Variants in HAT1 observed in about 807,000 individuals in gnomAD.
The protein encoded by HAT1 is histone acetyltransferase 1.
Under a neutral mutation model 56.6 loss-of-function variants are expected in HAT1, and 20 were observed. The ratio of observed to expected loss-of-function variants is 0.35; its 90% CI spans 0.25 to 0.51. HAT1 has a LOEUF of 0.51. HAT1 is among the 20% of genes least tolerant of loss of function. The pLI is 0.95. For synonymous variants in HAT1, 146 were observed against 165.5 expected, an observed-to-expected ratio of 0.88 and a Z score of 0.91; for missense variants, 408 against 504.3, an observed-to-expected ratio of 0.81 and a Z score of 1.83.
intron 2 of HAT1, among the ~76,000 whole-genome samples, chr2:171,941,800 G>A (rs1267467940): frequency 1.3e-5 from 2 of 152,196 alleles, no homozygotes; most frequent in Non-Finnish European, 1.5e-5. Context: ...GCCACAAACC[G>A]ATACATGGTG....
At chr2:171,982,306 A>G (rs1443785791) in intron 10 of HAT1, among the ~76,000 whole-genome samples, 3 of 152,292 alleles carry the variant, frequency 2.0e-5, no homozygotes, top group East Asian at 3.9e-4. Context: ...CTAGAACAGT[A>G]TATCCGAAAC....
intron 8 of HAT1, among the ~76,000 whole-genome samples, chr2:171,970,156 T>C (rs1261032681): frequency 6.6e-6 from 1 of 151,790 alleles, no homozygotes; most frequent in African/African-American, 2.4e-5. Context: ...CGAGACCCTG[T>C]CTTAAAAAAT....
rs568082052 is a variant in HAT1 at position 171,922,630 on chromosome 2, G to A, written c.7+123G>A. The A allele has an allele frequency of 2.5e-4, 204 of 802,640 alleles. 1 individual carries two copies. Among genetic ancestry groups the A allele is most frequent in the Admixed American group, 9.4e-4 (23 of 24,588 alleles). 49.7% of individuals were successfully genotyped at this position (802,640 alleles called of 1,614,324 possible). ...CTGTAGCCTGGGTTCCAGAAGGCCT[G>A]CTTGGGACCGGAAGCGCGGAACTCT... On this transcript the variant is annotated intron_variant, in intron 1 of 10. Coordinates refer to ENST00000264108, the MANE Select transcript of HAT1 (RefSeq NM_003642.4).
At chr2:171,924,106 C>T (rs150269650) in intron 1 of HAT1, 2 of 152,256 alleles carry the variant, frequency 1.3e-5, no homozygotes, top group Non-Finnish European at 2.9e-5. Flanking sequence ...AAGTCTTTCC[C>T]ATTTTCTGTG....
intron 2 of HAT1, among the ~76,000 whole-genome samples, chr2:171,934,417 A>G (rs967720216): frequency 8.5e-5 from 13 of 152,214 alleles, no homozygotes; most frequent in Non-Finnish European, 1.6e-4. Context: ...TACCATAACA[A>G]GATGAAGGAG....
intron 3 of HAT1, 24 bp downstream of exon 3, chr2:171,946,807 G>T: frequency 1.8e-6 from 2 of 1,096,072 alleles, no homozygotes; most frequent in Non-Finnish European, 2.7e-6. Flanking sequence ...TAAAATATTT[G>T]TCAAATTAGT....
intron 1 of HAT1, chr2:171,924,905 G>T (rs1686544057): frequency 6.6e-6 from 1 of 152,056 alleles, no homozygotes; most frequent in African/African-American, 2.4e-5. Flanking sequence ...TGAAAAAGAC[G>T]ACTTAGGTAT....
At chr2:171,958,951 C>A (rs1355369555) in intron 4 of HAT1, among the ~76,000 whole-genome samples, 2 of 152,110 alleles carry the variant, frequency 1.3e-5, no homozygotes, top group Admixed American at 6.6e-5. Flanking sequence ...CATTATTCAA[C>A]TTTAGTATTA....
chr2:171,977,524 A>AAT (rs1174016253), intron 9 of HAT1, among the ~76,000 whole-genome samples: 208 of 36,316 alleles, frequency 5.7e-3, no homozygotes, highest in Middle Eastern at 0.017. Context: ...CAGGCATATG[A>AAT]ATATATATAT....
chr2:171,924,131 C>T (rs1686515144), intron 1 of HAT1: 1 of 151,902 alleles, frequency 6.6e-6, no homozygotes, highest in East Asian at 1.9e-4. Context: ...TGTTTTAACC[C>T]CTTTTTGAAG....
intron 9 of HAT1, among the ~76,000 whole-genome samples, chr2:171,978,663 TATGTG>T (rs1688050551): frequency 6.6e-6 from 1 of 152,214 alleles, no homozygotes; most frequent in Non-Finnish European, 1.5e-5. Flanking sequence ...CATCGTTTTT[TATGTG>T]ATGTAATAAC....
chr2:171,928,956 G>C (rs1686668350), intron 2 of HAT1, among the ~76,000 whole-genome samples: 1 of 152,140 alleles, frequency 6.6e-6, no homozygotes, highest in South Asian at 2.1e-4. Flanking sequence ...TAAATTCCTA[G>C]CTGTGGATTT....
At chr2:171,971,242 A>C (rs1045267082) in intron 8 of HAT1, among the ~76,000 whole-genome samples, 1 of 152,212 alleles carries the variant, frequency 6.6e-6, no homozygotes, top group Non-Finnish European at 1.5e-5. Flanking sequence ...ATACTTGCTT[A>C]AGCGTTTGTC....
chr2:171,945,578 C>T (rs898079758), intron 2 of HAT1, among the ~76,000 whole-genome samples: 6 of 150,472 alleles, frequency 4.0e-5, no homozygotes, highest in Non-Finnish European at 7.4e-5. Context: ...ACTGCAACCT[C>T]TACCTCCTGG....
At chr2:171,953,818 A>T (rs576786608) in intron 4 of HAT1, among the ~76,000 whole-genome samples, 2 of 151,838 alleles carry the variant, frequency 1.3e-5, no homozygotes, top group Admixed American at 1.3e-4. Context: ...AACATGGTGA[A>T]ACCCCGTCTC....
intron 2 of HAT1, among the ~76,000 whole-genome samples, chr2:171,934,009 C>T (rs1386125870): frequency 6.6e-6 from 1 of 152,104 alleles, no homozygotes; most frequent in Non-Finnish European, 1.5e-5. Flanking sequence ...TTGTCTATGT[C>T]TTCAGTCATT....
intron 2 of HAT1, among the ~76,000 whole-genome samples, chr2:171,943,733 ATATATATATATATATATG>A (rs1687087392): frequency 6.8e-6 from 1 of 147,622 alleles, no homozygotes; most frequent in Non-Finnish European, 1.5e-5. Flanking sequence ...ATTCATATAT[ATATATATATATATATATG>A]TATCCATAAT....
chr2:171,942,557 AATTT>A (rs1434854934), intron 2 of HAT1, among the ~76,000 whole-genome samples: 17 of 152,142 alleles, frequency 1.1e-4, no homozygotes, highest in African/African-American at 3.4e-4. Flanking sequence ...TATTTACTGT[AATTT>A]ATTTAATCAT....
At chr2:171,978,630 T>C (rs1414915867) in intron 9 of HAT1, among the ~76,000 whole-genome samples, 2 of 152,334 alleles carry the variant, frequency 1.3e-5, no homozygotes, top group African/African-American at 4.8e-5. Context: ...TTGGTCTTCT[T>C]GTGCTGTTCC....
Sources: gnomAD v4.1 joint callset for allele counts (sites outside exome capture counted in the v4.1 genomes callset) on GRCh38, gnomAD v4.1.1 for gene constraint, MANE v1.5 for transcripts, NCBI Gene and HGNC (gene_info 2026-07-23, HGNC 2026-07-21) for gene names.